Variants in MEF2A observed in about 807,000 individuals in gnomAD.
MEF2A encodes myocyte enhancer factor 2A, also known as myocyte-specific enhancer factor 2A.
In MEF2A, 28 loss-of-function variants were observed where a neutral mutation model predicts 55.8. The ratio of observed to expected loss-of-function variants is 0.50; its 90% CI spans 0.37 to 0.69. MEF2A has a LOEUF of 0.69. Among genes scored for constraint, MEF2A ranks in the 30% least tolerant of loss-of-function variants. The pLI, the probability that MEF2A is intolerant of heterozygous loss-of-function variation, is 0.00. For missense variants in MEF2A, 528 were observed against 626.2 expected (o/e 0.84, Z 1.67); for synonymous variants, 239 against 227.1 (o/e 1.05, Z -0.47).
intron 4 of MEF2A, among the ~76,000 whole-genome samples, chr15:99,655,327 T>C (rs2047526237): frequency 6.6e-6 from 1 of 152,050 alleles, no homozygotes; most frequent in South Asian, 2.1e-4. Flanking sequence ...AGAAAAAAAA[T>C]AAGCCTCAGT....
chr15:99,669,088 A>G (rs1170765582), intron 4 of MEF2A, among the ~76,000 whole-genome samples: 2 of 152,204 alleles, frequency 1.3e-5, no homozygotes. Context: ...GTAGAATAAA[A>G]ATTGCATGTA....
intron 1 of MEF2A, among the ~76,000 whole-genome samples, chr15:99,575,415 T>A: frequency 6.6e-6 from 1 of 152,214 alleles, no homozygotes; most frequent in East Asian, 1.9e-4. Context: ...TTTGGATTTG[T>A]CCAGGTGCTT....
chr15:99,703,939 GC>G (rs1321021007), intron 9 of MEF2A, among the ~76,000 whole-genome samples: 3 of 152,142 alleles, frequency 2.0e-5, no homozygotes, highest in Non-Finnish European at 4.4e-5. Context: ...ATCAGAAGGC[GC>G]TCTTTTCTTA....
At chr15:99,566,478 A>G (rs1596144473) in intron 1 of MEF2A, 2 of 136,662 alleles carry the variant, frequency 1.5e-5, no homozygotes, top group Non-Finnish European at 1.6e-5. Context: ...GGCCGAGGGG[A>G]GCTCAGTCGC....
chr15:99,608,659 G>A (rs1385114129), intron 2 of MEF2A, among the ~76,000 whole-genome samples: 1 of 152,150 alleles, frequency 6.6e-6, no homozygotes, highest in African/African-American at 2.4e-5. Context: ...AGCATTTTGG[G>A]AGGCCGAGGT....
chr15:99,690,206 C>A, intron 7 of MEF2A, 35 bp from the exon 8 acceptor site: 1 of 1,590,232 alleles, frequency 6.3e-7, no homozygotes, highest in South Asian at 1.1e-5. Context: ...TTTAATAACT[C>A]TTCTCACTTT....
intron 1 of MEF2A, among the ~76,000 whole-genome samples, chr15:99,576,957 G>T (rs1161780439): frequency 6.6e-6 from 1 of 152,074 alleles, no homozygotes; most frequent in African/African-American, 2.4e-5. Context: ...ATAAACTTTA[G>T]TTTTTAACTT....
chr15:99,674,646 A>G (rs1194682746), intron 6 of MEF2A, 34 bp downstream of exon 6: 2 of 1,541,848 alleles, frequency 1.3e-6, no homozygotes, highest in Admixed American at 1.7e-5. Flanking sequence ...TGGTTCTTTA[A>G]TAAAGAGGGT....
chr15:99,599,585 C>T (rs1163862609), intron 2 of MEF2A, among the ~76,000 whole-genome samples: 1 of 152,074 alleles, frequency 6.6e-6, no homozygotes, highest in Non-Finnish European at 1.5e-5. Flanking sequence ...GACTGAAGAA[C>T]AGCCCATTTA....
chr15:99,633,097 G>A lies in MEF2A; in HGVS notation c.-23G>A, dbSNP rs763382454. The A allele has an allele frequency of 1.7e-5, 27 of 1,589,326 alleles. No individual in the cohort carries two copies. Among genetic ancestry groups the A allele is most frequent in the Middle Eastern group, 3.6e-4 (2 of 5,520 alleles). ...TTGAATTAAATATTTGGAATATAAG[G>A]AAATAAGGAAAGTTGACTGAAAATG... On this transcript the variant is annotated 5_prime_UTR_variant, in exon 3 of 12. Transcript: ENST00000557942.
At chr15:99,650,122 A>G (rs186550141) in intron 4 of MEF2A, among the ~76,000 whole-genome samples, 3 of 152,300 alleles carry the variant, frequency 2.0e-5, no homozygotes, top group Admixed American at 6.5e-5. Flanking sequence ...ACTTAAAAAA[A>G]AAATTCTTCT....
chr15:99,569,356 T>G (rs1057111816), intron 1 of MEF2A, among the ~76,000 whole-genome samples: 4 of 152,260 alleles, frequency 2.6e-5, no homozygotes, highest in Non-Finnish European at 4.4e-5. Context: ...GTAGGTACCC[T>G]GCCCAGTACC....
At chr15:99,670,784 G>A (rs1267198923) in intron 4 of MEF2A, among the ~76,000 whole-genome samples, 1 of 152,148 alleles carries the variant, frequency 6.6e-6, no homozygotes, top group Non-Finnish European at 1.5e-5. Flanking sequence ...TAATTATCAA[G>A]TTTGTTGTAT....
chr15:99,646,189 T>C (rs2045936045), intron 4 of MEF2A, among the ~76,000 whole-genome samples: 1 of 152,140 alleles, frequency 6.6e-6, no homozygotes, highest in Admixed American at 6.5e-5. Context: ...ATTTGCTTTG[T>C]TAATAGTGTT....
intron 4 of MEF2A, among the ~76,000 whole-genome samples, chr15:99,646,795 C>G (rs1403287086): frequency 6.6e-6 from 1 of 151,874 alleles, no homozygotes; most frequent in East Asian, 1.9e-4. Flanking sequence ...CTTAACTGTC[C>G]CTCTTCAGGC....
intron 1 of MEF2A, among the ~76,000 whole-genome samples, chr15:99,571,444 T>TA (rs1015853506): frequency 1.3e-5 from 2 of 152,222 alleles, no homozygotes; most frequent in Non-Finnish European, 2.9e-5. Flanking sequence ...TTACTATCGT[T>TA]ACTACTACTG....
chr15:99,694,320 T>C (rs1597214665), intron 8 of MEF2A, among the ~76,000 whole-genome samples: 1 of 152,216 alleles, frequency 6.6e-6, no homozygotes, highest in Non-Finnish European at 1.5e-5. Context: ...TCACATCATA[T>C]CAAGAGTGCC....
In MEF2A at chr15:99,698,810, C is replaced by T. The variant is rs573314497; in HGVS notation, c.859-4552C>T. On this transcript the variant is annotated intron_variant, in intron 8 of 11. Transcript: ENST00000557942. ...TCTGTCTCAAAAAAAAAAACAAAAA[C>T]GCAAAAACTAGAAATGCTGGTGAGG... 1.4e-3 allele frequency among the ~76,000 whole-genome samples: 204 copies of T among 149,180 alleles called. 1 individual carries two copies. Among genetic ancestry groups the T allele is most frequent in the Non-Finnish European group, 2.3e-3 (153 of 67,150 alleles).
chr15:99,595,435 C>T (rs920877724), intron 1 of MEF2A, among the ~76,000 whole-genome samples: 3 of 151,884 alleles, frequency 2.0e-5, no homozygotes, highest in Non-Finnish European at 1.5e-5. Flanking sequence ...CCTTATTCAC[C>T]TTGTACTATA....
Sources: allele counts gnomAD v4.1 joint callset (sites outside exome capture counted in the v4.1 genomes callset), GRCh38; gene constraint gnomAD v4.1.1; transcripts MANE v1.5; gene names NCBI Gene and HGNC (gene_info 2026-07-23, HGNC 2026-07-21).